RANGAP1: variants seen among roughly 807,000 people sequenced by gnomAD.
The protein encoded by RANGAP1 is Ran GTPase activating protein 1.
A neutral mutation model predicts 63.5 loss-of-function variants in RANGAP1; 38 were observed. That is an observed-to-expected ratio of 0.60 (90% CI 0.46 to 0.78). RANGAP1 has a LOEUF of 0.78. Ranked by LOEUF, RANGAP1 falls within the 30% of genes least tolerant of loss-of-function variation. RANGAP1 has a pLI of 0.00. For missense variants in RANGAP1, 630 were observed against 740.3 expected, an observed-to-expected ratio of 0.85 and a Z score of 1.73; for synonymous variants, 329 against 310.5, an observed-to-expected ratio of 1.06 and a Z score of -0.63.
intron 1 of RANGAP1, 176 bp from the exon 2 acceptor site, chr22:41,281,258 G>T: frequency 1.2e-6 from 1 of 817,744 alleles, no homozygotes; most frequent in Non-Finnish European, 1.7e-6. Context: ...GTTCTAGAAG[G>T]TGCAGGAGGT....
chr22:41,250,920 G>A, intron 13 of RANGAP1, 87 bp downstream of exon 13: 5 of 1,124,302 alleles, frequency 4.4e-6, no homozygotes, highest in Non-Finnish European at 6.7e-6. Context: ...CGCTGGGGCT[G>A]ACGAGTTACG....
intron 10 of RANGAP1, among the ~76,000 whole-genome samples, chr22:41,254,983 C>CAA (rs5845494): frequency 2.6e-3 from 359 of 138,086 alleles, no homozygotes; most frequent in African/African-American, 5.2e-3. Flanking sequence ...CACAAAAAAA[C>CAA]AAAAAAAAAA....
At chr22:41,289,465 T>C (rs1275188043), upstream of RANGAP1, among the ~76,000 whole-genome samples, 3 of 151,666 alleles carry the variant, frequency 2.0e-5, no homozygotes, top group Non-Finnish European at 4.4e-5. Flanking sequence ...CTACTAAAAA[T>C]ACAAAAAATT....
intron 15 of RANGAP1, among the ~76,000 whole-genome samples, chr22:41,246,883 G>C (rs2033073982): frequency 6.6e-6 from 1 of 152,210 alleles, no homozygotes; most frequent in South Asian, 2.1e-4. Context: ...ACAGCCCAGA[G>C]CTGGCCAGAA....
intron 2 of RANGAP1, among the ~76,000 whole-genome samples, chr22:41,279,394 A>G (rs2035356112): frequency 6.7e-6 from 1 of 150,010 alleles, no homozygotes. Context: ...GGCGTGAACC[A>G]GGGAGGCAGA....
At chr22:41,254,185 TC>T (rs113585453) in intron 11 of RANGAP1, 122 bp downstream of exon 11, 1,312 of 960,000 alleles carry the variant, frequency 1.4e-3, no homozygotes, top group Admixed American at 2.9e-3. Flanking sequence ...TATCATGCAA[TC>T]AAAAAAAAAT....
chr22:41,294,955 G>C, the RANGAP1 span, among the ~76,000 whole-genome samples: 1 of 122,728 alleles, frequency 8.1e-6, no homozygotes, highest in Non-Finnish European at 1.7e-5. Flanking sequence ...CGCCCGGCCA[G>C]CCGCCCCATC....
intron 12 of RANGAP1, among the ~76,000 whole-genome samples, chr22:41,252,268 C>T (rs2033508955): frequency 6.6e-6 from 1 of 152,050 alleles, no homozygotes; most frequent in African/African-American, 2.4e-5. Context: ...TGCCACTGCA[C>T]TCCAGCCTGG....
At chr22:41,260,922 C>A (rs1396461750) in intron 6 of RANGAP1, among the ~76,000 whole-genome samples, 1 of 152,220 alleles carries the variant, frequency 6.6e-6, no homozygotes, top group African/African-American at 2.4e-5. Context: ...CTTCTGCTGG[C>A]ACTCACGATC....
rs757894091 is a variant in RANGAP1, at chr22:41,268,130, C to G, written c.267G>C (p.Thr89=). The G allele has an allele frequency of 6.4e-7, 1 of 1,558,908 alleles. No individual in the cohort carries two copies. Among genetic ancestry groups the G allele is most frequent in the Non-Finnish European group, 8.7e-7 (1 of 1,150,712 alleles). ...GTGGGATCTCGGTCCGCAGCCTTCC[C>G]GTGAACATGTCACTCCAGTGGCAGC... ...LKRCHWSDMF[T]GRLRTEIPPA... Residue 89 remains threonine, a synonymous_variant, in exon 4 of 16, where the codon ACG becomes ACC. Coordinates refer to ENST00000356244, the MANE Select transcript of RANGAP1 (RefSeq NM_002883.4).
At chr22:41,263,304 C>T (rs1569188422) in intron 5 of RANGAP1, among the ~76,000 whole-genome samples, 1 of 152,236 alleles carries the variant, frequency 6.6e-6, no homozygotes, top group Non-Finnish European at 1.5e-5. Flanking sequence ...GCTCTCCCAG[C>T]GTATGCCACT....
chr22:41,254,425 C>A lies in RANGAP1; in HGVS notation c.1143G>T (p.Glu381Asp). Residue 381 changes from glutamate (E) to aspartate (D), a missense_variant, in exon 11 of 16, where the codon GAG (glutamate) becomes GAT (aspartate). Transcript: ENST00000356244. ...EEEEEAEEEE[E>D]EDEEEEEEEE... ...CTTCTTCCTCCTCTTCCTCATCTTC[C>A]TCCTCCTCTTCTTCTGCTTCCTCTT... 6.8e-6 allele frequency: 11 copies of A among 1,611,920 alleles called. No homozygotes were observed. The highest frequency in any genetic ancestry group is 9.3e-6 in the Non-Finnish European group (11 of 1,178,890).
At position 41,268,115 on chromosome 22, in the gene RANGAP1, G is replaced by A. The variant is rs758172876; in HGVS notation, c.282C>T (p.Thr94=). Residue 94 remains threonine, a synonymous_variant, in exon 4 of 16, where the codon ACC becomes ACT. Coordinates refer to ENST00000356244, the MANE Select transcript of RANGAP1 (RefSeq NM_002883.4). ...CGCTTACCAGGGCTGGTGGGATCTC[G>A]GTCCGCAGCCTTCCCGTGAACATGT... is the stretch of plus-strand genomic sequence containing the variant. ...WSDMFTGRLR[T]EIPPALISLG... 1.7e-5 allele frequency: 26 copies of A among 1,558,692 alleles called. No individual in the cohort carries two copies. The Admixed American group carries it at 2.1e-4, about 13-fold the overall frequency.
chr22:41,250,155 G>A (rs1399742924), intron 13 of RANGAP1, among the ~76,000 whole-genome samples: 1 of 152,256 alleles, frequency 6.6e-6, no homozygotes, highest in African/African-American at 2.4e-5. Flanking sequence ...GAGGATTCAG[G>A]TTATTTTGGC....
intron 4 of RANGAP1, among the ~76,000 whole-genome samples, chr22:41,267,826 C>T (rs1012675881): frequency 1.3e-5 from 2 of 152,190 alleles, no homozygotes; most frequent in African/African-American, 4.8e-5. Flanking sequence ...AGCCAAGCAG[C>T]TCAGGAGGAC....
the RANGAP1 span, among the ~76,000 whole-genome samples, chr22:41,293,124 A>G: frequency 6.6e-6 from 1 of 151,436 alleles, no homozygotes; most frequent in Non-Finnish European, 1.5e-5. Context: ...AGTCCCAGCT[A>G]CTTGGGAGGC....
At chr22:41,268,493 G>T (rs1938922469) in intron 3 of RANGAP1, among the ~76,000 whole-genome samples, 2 of 152,006 alleles carry the variant, frequency 1.3e-5, no homozygotes, top group East Asian at 2.0e-4. Context: ...GACCTCAGGT[G>T]ATCTGCCCAC....
chr22:41,296,992 C>T, the RANGAP1 span, among the ~76,000 whole-genome samples: 2 of 152,194 alleles, frequency 1.3e-5, no homozygotes, highest in Non-Finnish European at 2.9e-5. Flanking sequence ...GGACAGATCA[C>T]TTGAGATCAG....
At chr22:41,296,199 AT>A in the RANGAP1 span, among the ~76,000 whole-genome samples, 1 of 152,098 alleles carries the variant, frequency 6.6e-6, no homozygotes, top group African/African-American at 2.4e-5. Context: ...GATTAAAAAA[AT>A]AATAACCTAA....
Sources: allele counts gnomAD v4.1 joint callset (sites outside exome capture counted in the v4.1 genomes callset), GRCh38; gene constraint gnomAD v4.1.1; transcripts MANE v1.5; gene names NCBI Gene and HGNC (gene_info 2026-07-23, HGNC 2026-07-21).